EXOC4: variants seen among roughly 807,000 people sequenced by gnomAD.
EXOC4 encodes the protein SEC8-like 1.
In EXOC4, 71 loss-of-function variants were observed where a neutral mutation model predicts 107.2. That is an observed-to-expected ratio of 0.66 (90% CI 0.55 to 0.81). The LOEUF (loss-of-function observed/expected upper bound fraction) is 0.81, where lower values mean the gene tolerates loss of function less well. Among genes scored for constraint, EXOC4 ranks in the 30% least tolerant of loss-of-function variants. The pLI is 0.00. For synonymous variants in EXOC4, 456 were observed against 441.2 expected (o/e 1.03, Z -0.42); for missense variants, 1,108 against 1,189.6 (o/e 0.93, Z 1.01).
intron 1 of EXOC4, among the ~76,000 whole-genome samples, chr7:133,263,763 TG>T (rs1468827167): frequency 1.3e-5 from 1 of 74,522 alleles, no homozygotes; most frequent in African/African-American, 5.6e-5. Flanking sequence ...ATGTATATGT[TG>T]GGGGGAGGGA....
At chr7:133,372,549 T>G (rs1465204490) in intron 6 of EXOC4, among the ~76,000 whole-genome samples, 1 of 147,466 alleles carries the variant, frequency 6.8e-6, no homozygotes, top group Non-Finnish European at 1.5e-5. Context: ...TACTGGTTTT[T>G]TTTTTCTCTA....
intron 7 of EXOC4, among the ~76,000 whole-genome samples, chr7:133,403,312 G>A (rs1316749791): frequency 6.6e-6 from 1 of 152,192 alleles, no homozygotes; most frequent in South Asian, 2.1e-4. Context: ...GATGGAAGCT[G>A]TTTGAGACCC....
intron 10 of EXOC4, among the ~76,000 whole-genome samples, chr7:133,673,110 G>C (rs1412737469): frequency 6.6e-6 from 1 of 152,186 alleles, no homozygotes; most frequent in African/African-American, 2.4e-5. Context: ...AGAGGAGCTG[G>C]ATTGGAGATA....
intron 7 of EXOC4, among the ~76,000 whole-genome samples, chr7:133,394,099 G>T (rs932420127): frequency 2.0e-5 from 3 of 152,140 alleles, no homozygotes; most frequent in African/African-American, 7.2e-5. Context: ...ATGTTGGCAA[G>T]AGAAACCATT....
chr7:134,050,117 A>T (rs75509371), intron 17 of EXOC4, among the ~76,000 whole-genome samples: 4,589 of 152,318 alleles, frequency 0.03, 108 homozygotes, highest in Non-Finnish European at 0.046. Context: ...ACACACACAC[A>T]TTCAAGAAAG....
intron 10 of EXOC4, among the ~76,000 whole-genome samples, chr7:133,710,315 G>A (rs1794858415): frequency 6.6e-6 from 1 of 152,092 alleles, no homozygotes; most frequent in African/African-American, 2.4e-5. Flanking sequence ...TTTGAATGGG[G>A]ATTTCACTCA....
chr7:133,777,076 T>A (rs1232391406), intron 10 of EXOC4, among the ~76,000 whole-genome samples: 1 of 152,114 alleles, frequency 6.6e-6, no homozygotes, highest in Non-Finnish European at 1.5e-5. Context: ...AACATTATTT[T>A]ATAAATATAT....
intron 17 of EXOC4, among the ~76,000 whole-genome samples, chr7:134,008,639 T>C (rs2116348623): frequency 6.6e-6 from 1 of 152,232 alleles, no homozygotes; most frequent in Non-Finnish European, 1.5e-5. Context: ...CTCTAAGTTT[T>C]CTGATCTTAA....
At chr7:133,806,557 T>G (rs2551008) in intron 10 of EXOC4, among the ~76,000 whole-genome samples, 150,299 of 152,314 alleles carry the variant, frequency 0.99, 74,198 homozygotes, top group Middle Eastern at 1. Flanking sequence ...ATCCACACAA[T>G]GTCCCAGTAC....
chr7:133,984,594 G>A (rs539910954), intron 14 of EXOC4, among the ~76,000 whole-genome samples: 6 of 152,352 alleles, frequency 3.9e-5, no homozygotes, highest in Non-Finnish European at 7.3e-5. Flanking sequence ...TCTACTGAGA[G>A]TAAGGAAGAG....
intron 7 of EXOC4, among the ~76,000 whole-genome samples, chr7:133,413,386 C>A (rs1265617802): frequency 1.3e-5 from 2 of 152,076 alleles, no homozygotes; most frequent in Non-Finnish European, 2.9e-5. Context: ...TTTCTTGGGA[C>A]CAATGTAGAT....
intron 7 of EXOC4, among the ~76,000 whole-genome samples, chr7:133,414,918 CCCCTA>C (rs1355519623): frequency 1.3e-5 from 2 of 152,058 alleles, no homozygotes; most frequent in Non-Finnish European, 2.9e-5. Flanking sequence ...AGCCATCAGC[CCCCTA>C]CCCCCAACCG....
At chr7:133,509,204 G>A (rs1799720705) in intron 9 of EXOC4, among the ~76,000 whole-genome samples, 1 of 152,084 alleles carries the variant, frequency 6.6e-6, no homozygotes, top group African/African-American at 2.4e-5. Context: ...CGAGGTGGGA[G>A]GATCATGAGG....
chr7:133,288,171 GA>G (rs1211940087), intron 2 of EXOC4, among the ~76,000 whole-genome samples: 1 of 152,004 alleles, frequency 6.6e-6, no homozygotes, highest in Non-Finnish European at 1.5e-5. Flanking sequence ...TTTCCATGTT[GA>G]AAAAATGGAA....
chr7:133,628,206 G>A (rs1802503939), intron 9 of EXOC4, among the ~76,000 whole-genome samples: 1 of 152,204 alleles, frequency 6.6e-6, no homozygotes. Context: ...TAGATAGTTA[G>A]TGAAATGTCA....
intron 9 of EXOC4, among the ~76,000 whole-genome samples, chr7:133,498,175 T>C (rs1004484968): frequency 1.3e-5 from 2 of 152,206 alleles, no homozygotes; most frequent in Admixed American, 6.5e-5. Flanking sequence ...ATGGCACTAT[T>C]GATAAACCTG....
intron 10 of EXOC4, among the ~76,000 whole-genome samples, chr7:133,655,625 C>T (rs1372707136): frequency 2.0e-5 from 3 of 152,156 alleles, no homozygotes; most frequent in Admixed American, 6.5e-5. Context: ...CGTAGGCTTA[C>T]ACAGGGTCAG....
intron 12 of EXOC4, among the ~76,000 whole-genome samples, chr7:133,912,882 A>T (rs1256390136): frequency 6.6e-6 from 1 of 152,096 alleles, no homozygotes; most frequent in African/African-American, 2.4e-5. Context: ...CAGCCCAGAG[A>T]TTGTGATTTA....
intron 7 of EXOC4, among the ~76,000 whole-genome samples, chr7:133,474,002 C>T (rs917257047): frequency 2.0e-5 from 3 of 152,034 alleles, no homozygotes; most frequent in African/African-American, 7.2e-5. Flanking sequence ...GCCACTGCGC[C>T]TGGCCTGGGT....
Sources: allele counts gnomAD v4.1 joint callset (sites outside exome capture counted in the v4.1 genomes callset), GRCh38; gene constraint gnomAD v4.1.1; transcripts MANE v1.5; gene names NCBI Gene and HGNC (gene_info 2026-07-23, HGNC 2026-07-21).